Variants in ASAP1 observed in about 807,000 individuals in gnomAD.
The protein encoded by ASAP1 is ArfGAP with SH3 domain, ankyrin repeat and PH domain 1.
ASAP1 carries 43 observed loss-of-function variants against 145.2 expected under a neutral mutation model. That is an observed-to-expected ratio of 0.30 (90% CI 0.23 to 0.38). The LOEUF (loss-of-function observed/expected upper bound fraction) is 0.38, where lower values mean the gene tolerates loss of function less well. Ranked by LOEUF, ASAP1 falls within the 10% of genes least tolerant of loss-of-function variation. The pLI is 1.00. For missense variants in ASAP1, 1,018 were observed against 1,355.3 expected, an observed-to-expected ratio of 0.75 and a Z score of 3.91; for synonymous variants, 546 against 515.5, an observed-to-expected ratio of 1.06 and a Z score of -0.80.
chr8:130,059,438 T>C (rs916855133), intron 28 of ASAP1, among the ~76,000 whole-genome samples: 4 of 152,174 alleles, frequency 2.6e-5, no homozygotes, highest in Admixed American at 2.6e-4. Flanking sequence ...GTGCTGAAAT[T>C]ACAGATGTGA....
chr8:130,241,140 A>G (rs1347960854), intron 3 of ASAP1, among the ~76,000 whole-genome samples: 1 of 152,014 alleles, frequency 6.6e-6, no homozygotes, highest in Non-Finnish European at 1.5e-5. Context: ...GAACTAGTTG[A>G]TTGCTCTGCC....
intron 1 of ASAP1, among the ~76,000 whole-genome samples, chr8:130,421,619 G>T (rs1335622342): frequency 6.6e-6 from 1 of 152,172 alleles, no homozygotes; most frequent in African/African-American, 2.4e-5. Flanking sequence ...AAAGCTCCAG[G>T]GGGCAGCAGG....
intron 13 of ASAP1, among the ~76,000 whole-genome samples, chr8:130,151,579 T>C (rs1266769187): frequency 6.6e-6 from 1 of 152,064 alleles, no homozygotes; most frequent in Non-Finnish European, 1.5e-5. Flanking sequence ...CTCTGAGGAA[T>C]TCCTCCGAAG....
chr8:130,387,781 A>G (rs964153502), intron 2 of ASAP1, among the ~76,000 whole-genome samples: 1 of 152,152 alleles, frequency 6.6e-6, no homozygotes, highest in African/African-American at 2.4e-5. Context: ...TTTTATGCTC[A>G]TGGTTGACTT....
Position 130,091,434 on chromosome 8 carries a change from T to C in ASAP1, c.2572+539A>G, listed in dbSNP as rs139488086. Among the ~76,000 whole-genome samples the C allele has an allele frequency of 3.4e-4, 52 of 152,190 alleles. 2 individuals are homozygous for C. In the East Asian group the frequency reaches 9.3e-3, roughly 27 times the overall value. On this transcript the variant is annotated intron_variant, in intron 25 of 29. Coordinates refer to ENST00000518721, the MANE Select transcript of ASAP1 (RefSeq NM_018482.4). ...GGCCCTCAGGAGGCAGAGGATGGTGTATCCAAGAAGTGAAAGAAGGCCAGC... is the reference window on the plus strand; with the variant it reads ...GGCCCTCAGGAGGCAGAGGATGGTGCATCCAAGAAGTGAAAGAAGGCCAGC...
At chr8:130,281,031 G>T (rs940586275) in intron 3 of ASAP1, among the ~76,000 whole-genome samples, 1 of 152,032 alleles carries the variant, frequency 6.6e-6, no homozygotes, top group Non-Finnish European at 1.5e-5. Context: ...TAGGTTTAGA[G>T]TACATATGTA....
At position 130,322,847 on chromosome 8, in the gene ASAP1, G is replaced by C. The variant is rs191592683; in HGVS notation, c.186+35170C>G. ...GAGATATACAAAGACCTGCAATGGA[G>C]AGCAGTGGGAAAAGATCATTTCCAG... On this transcript the variant is annotated intron_variant, in intron 3 of 29. Transcript: ENST00000518721. 1.6e-4 allele frequency among the ~76,000 whole-genome samples: 25 copies of C among 152,300 alleles called. No homozygotes were observed. The East Asian group carries it at 4.4e-3, about 27-fold the overall frequency.
intron 3 of ASAP1, among the ~76,000 whole-genome samples, chr8:130,271,753 A>T (rs1313180896): frequency 6.6e-6 from 1 of 152,200 alleles, no homozygotes; most frequent in Non-Finnish European, 1.5e-5. Context: ...ATGGTTCCCA[A>T]TGAAACTATA....
At chr8:130,141,802 T>G (rs1363825979) in intron 13 of ASAP1, among the ~76,000 whole-genome samples, 2 of 152,108 alleles carry the variant, frequency 1.3e-5, no homozygotes, top group Non-Finnish European at 2.9e-5. Flanking sequence ...ACTGCAGCCT[T>G]GAACTCCTGG....
At position 130,187,396 on chromosome 8, in the gene ASAP1, A is replaced by G. The variant is rs190396678; in HGVS notation, c.481-111T>C. 37 of 881,812 alleles carry G rather than the reference A, an allele frequency of 4.2e-5. No individual in the cohort carries two copies. In the East Asian group the frequency reaches 9.7e-4, roughly 23 times the overall value. The allele number at this position is 881,812 out of a possible 1,614,324, so 54.6% of individuals were successfully genotyped here. On this transcript the variant is annotated intron_variant, in intron 6 of 29. Coordinates refer to ENST00000518721, the MANE Select transcript of ASAP1 (RefSeq NM_018482.4). ...TTGTTTCCTTTATAGGACACTGGGA[A>G]CTTCACTTTATGCACGTTACACCAT...
At chr8:130,179,097 C>T (rs1404799196) in intron 9 of ASAP1, 167 bp downstream of exon 9, 1 of 490,500 alleles carries the variant, frequency 2.0e-6, no homozygotes, top group African/African-American at 2.0e-5. Context: ...TTGTATAAAA[C>T]ACTGAAGATG....
intron 1 of ASAP1, among the ~76,000 whole-genome samples, chr8:130,410,285 C>G (rs1423963193): frequency 1.3e-5 from 2 of 152,150 alleles, no homozygotes; most frequent in Non-Finnish European, 2.9e-5. Flanking sequence ...TAGGACCTAC[C>G]TACTATAAGC....
At chr8:130,195,806 T>C (rs1586570076) in intron 5 of ASAP1, among the ~76,000 whole-genome samples, 1 of 152,232 alleles carries the variant, frequency 6.6e-6, no homozygotes, top group African/African-American at 2.4e-5. Context: ...GCCAGCAGTA[T>C]ACAAATAGCC....
intron 3 of ASAP1, among the ~76,000 whole-genome samples, chr8:130,244,397 A>G (rs767918782): frequency 2.0e-5 from 3 of 152,164 alleles, no homozygotes; most frequent in Non-Finnish European, 4.4e-5. Flanking sequence ...AAGAATGCCC[A>G]TTCCTGGAGA....
chr8:130,107,541 T>C (rs2097539464), intron 24 of ASAP1, among the ~76,000 whole-genome samples: 1 of 145,946 alleles, frequency 6.9e-6, no homozygotes, highest in East Asian at 2.0e-4. Flanking sequence ...TATGTATGTA[T>C]GTATGTATGT....
intron 2 of ASAP1, among the ~76,000 whole-genome samples, chr8:130,367,743 G>C (rs937332074): frequency 1.3e-5 from 2 of 152,136 alleles, no homozygotes; most frequent in African/African-American, 4.8e-5. Flanking sequence ...GCTTCAAAAC[G>C]CTAAGAACTG....
chr8:130,301,028 T>C (rs1332306928), intron 3 of ASAP1, among the ~76,000 whole-genome samples: 1 of 152,198 alleles, frequency 6.6e-6, no homozygotes, highest in Non-Finnish European at 1.5e-5. Flanking sequence ...ATGGGGCTTC[T>C]TGGTGGAGAA....
chr8:130,199,027 C>T (rs138651777), intron 5 of ASAP1, among the ~76,000 whole-genome samples: 84 of 152,320 alleles, frequency 5.5e-4, no homozygotes, highest in African/African-American at 2.0e-3. Context: ...GTCTGGAACA[C>T]TCTTCCTCTG....
intron 5 of ASAP1, among the ~76,000 whole-genome samples, chr8:130,214,337 A>G (rs1816759798): frequency 6.6e-6 from 1 of 152,202 alleles, no homozygotes; most frequent in South Asian, 2.1e-4. Context: ...TACAAATTCC[A>G]GGAATTTCAC....
Sources: gnomAD v4.1 joint callset for allele counts (sites outside exome capture counted in the v4.1 genomes callset) on GRCh38, gnomAD v4.1.1 for gene constraint, MANE v1.5 for transcripts, NCBI Gene and HGNC (gene_info 2026-07-23, HGNC 2026-07-21) for gene names.